Variants in SEPTIN7 observed in about 807,000 individuals in gnomAD.
SEPTIN7 encodes septin 7, also known as septin-7.
SEPTIN7 carries 10 observed loss-of-function variants against 63.3 expected under a neutral mutation model. The observed-to-expected ratio is 0.16, with a 90% CI of 0.10 to 0.27. SEPTIN7 has a LOEUF of 0.27. Among genes scored for constraint, SEPTIN7 ranks in the 10% least tolerant of loss-of-function variants. The pLI is 1.00. For synonymous variants in SEPTIN7, 131 were observed against 165.3 expected (o/e 0.79, Z 1.59); for missense variants, 310 against 521.0 (o/e 0.59, Z 3.94).
intron 1 of SEPTIN7, among the ~76,000 whole-genome samples, chr7:35,814,821 A>G (rs546376372): frequency 1.3e-5 from 2 of 152,158 alleles, no homozygotes; most frequent in East Asian, 3.9e-4. Context: ...TAAAAATACA[A>G]AGAATTAGCC....
At position 35,868,159 on chromosome 7, in the gene SEPTIN7, C is replaced by T. The variant is rs181491991; in HGVS notation, c.276+4501C>T. Reference sequence around the variant, plus strand: ...CGCTGGGATTACAGGTGTGAGCCACCGCACCCAGCTGGTCCCTGAAGTTTT... The same window carrying T: ...CGCTGGGATTACAGGTGTGAGCCACTGCACCCAGCTGGTCCCTGAAGTTTT... On this transcript the variant is annotated intron_variant, in intron 4 of 13. Coordinates refer to ENST00000350320, the MANE Select transcript of SEPTIN7 (RefSeq NM_001788.6). Among the ~76,000 whole-genome samples the T allele has an allele frequency of 5.5e-3, 840 of 152,188 alleles. 12 individuals are homozygous for T. Among genetic ancestry groups the T allele is most frequent in the Non-Finnish European group, 4.6e-3 (311 of 68,018 alleles).
intron 1 of SEPTIN7, among the ~76,000 whole-genome samples, chr7:35,804,717 G>C (rs1309699569): frequency 3.9e-5 from 6 of 152,072 alleles, no homozygotes; most frequent in Non-Finnish European, 8.8e-5. Context: ...CTAGATGGTA[G>C]AGCCTACTAT....
chr7:35,815,815 ATT>A (rs1473812293), intron 1 of SEPTIN7, among the ~76,000 whole-genome samples: 1 of 151,808 alleles, frequency 6.6e-6, no homozygotes, highest in East Asian at 1.9e-4. Context: ...ATCCTGGCTG[ATT>A]TTGTTTTTTT....
intron 11 of SEPTIN7, among the ~76,000 whole-genome samples, chr7:35,895,945 G>A (rs1787935533): frequency 6.6e-6 from 1 of 152,138 alleles, no homozygotes. Context: ...CAAGTAGCTG[G>A]AATTACAGGC....
chr7:35,833,695 A>G lies in SEPTIN7; in HGVS notation c.169+795A>G, dbSNP rs76005108. ...TCTGTTATTTAAGAAGGTGAATTGC[A>G]GGGTAGTGGATTAGCTATCCTTAAC... On this transcript the variant is annotated intron_variant, in intron 3 of 13. Transcript: ENST00000350320. Among the ~76,000 whole-genome samples, 406 of 152,164 alleles carry G rather than the reference A, an allele frequency of 2.7e-3. 2 individuals are homozygous for G. Among genetic ancestry groups the G allele is most frequent in the African/African-American group, 9.4e-3 (389 of 41,562 alleles).
chr7:35,821,023 G>A (rs562895975), intron 1 of SEPTIN7, among the ~76,000 whole-genome samples: 2 of 152,214 alleles, frequency 1.3e-5, no homozygotes, highest in Non-Finnish European at 2.9e-5. Context: ...AATAATGACA[G>A]CAGTTTGAGA....
At chr7:35,841,172 G>A (rs1784390528) in intron 3 of SEPTIN7, among the ~76,000 whole-genome samples, 2 of 152,146 alleles carry the variant, frequency 1.3e-5, no homozygotes, top group South Asian at 4.1e-4. Flanking sequence ...AGTGAGCCGA[G>A]ATCGTGCCAC....
At chr7:35,896,922 C>G (rs1381146106) in intron 11 of SEPTIN7, among the ~76,000 whole-genome samples, 1 of 152,210 alleles carries the variant, frequency 6.6e-6, no homozygotes, top group Non-Finnish European at 1.5e-5. Flanking sequence ...AAACTGGTAG[C>G]CAATATTCTG....
chr7:35,817,057 T>G (rs1358468414), intron 1 of SEPTIN7, among the ~76,000 whole-genome samples: 1 of 152,030 alleles, frequency 6.6e-6, no homozygotes, highest in Non-Finnish European at 1.5e-5. Context: ...GTACAAGCAT[T>G]TTTAATTTTG....
At chr7:35,892,516 T>C (rs1313872754) in intron 11 of SEPTIN7, among the ~76,000 whole-genome samples, 1 of 152,182 alleles carries the variant, frequency 6.6e-6, no homozygotes, top group Non-Finnish European at 1.5e-5. Flanking sequence ...GTTAAAGTAC[T>C]AGTACATATT....
At chr7:35,859,892 T>C (rs1785412714) in intron 3 of SEPTIN7, among the ~76,000 whole-genome samples, 1 of 152,200 alleles carries the variant, frequency 6.6e-6, no homozygotes. Context: ...AATGTGTCTT[T>C]TACAGATACG....
chr7:35,817,663 T>A lies in SEPTIN7; in HGVS notation c.62-13829T>A, dbSNP rs533305853. Among the ~76,000 whole-genome samples the A allele has an allele frequency of 1.4e-4, 21 of 152,184 alleles. No individual in the cohort carries two copies. In the South Asian group the frequency reaches 1.4e-3, roughly 11 times the overall value. On this transcript the variant is annotated intron_variant, in intron 1 of 13. Coordinates refer to ENST00000350320, the MANE Select transcript of SEPTIN7 (RefSeq NM_001788.6). ...GTCTTAACAGTATTAAGTCTTCCACTCCATTAATGCAAAGTATCTTCTGTT... is the reference window on the plus strand; with the variant it reads ...GTCTTAACAGTATTAAGTCTTCCACACCATTAATGCAAAGTATCTTCTGTT...
chr7:35,869,266 T>G (rs1786000612), intron 4 of SEPTIN7, among the ~76,000 whole-genome samples: 1 of 152,164 alleles, frequency 6.6e-6, no homozygotes, highest in African/African-American at 2.4e-5. Context: ...ACTTTCTTAG[T>G]AAAGTAGTTC....
At position 35,885,834 on chromosome 7, in the gene SEPTIN7, A is replaced by G; in HGVS notation, c.827A>G (p.Asn276Ser). The G allele has an allele frequency of 6.2e-7, 1 of 1,605,480 alleles. No homozygotes were observed. Residue 276 changes from asparagine to serine, a missense_variant, in exon 10 of 14, where the codon AAT becomes AGT. Around this residue, in one of 2 missense-constraint regions of SEPTIN7, gnomAD observed 255 missense variants for 490.5 expected, o/e 0.52. Coordinates refer to ENST00000350320, the MANE Select transcript of SEPTIN7 (RefSeq NM_001788.6). ...GTCTGCTTTTTTCTTACAGTTGAAA[A>G]TGGTGAACATTGTGATTTTACAATC... ...QYPWGVAEVE[N>S]GEHCDFTILR...
intron 3 of SEPTIN7, chr7:35,847,560 A>G (rs1249899633): frequency 6.6e-6 from 1 of 152,208 alleles, no homozygotes; most frequent in Non-Finnish European, 1.5e-5. Context: ...TTAAAAAAGT[A>G]CTGTTCTTTA....
chr7:35,881,274 T>A (rs1328438599), intron 7 of SEPTIN7, among the ~76,000 whole-genome samples: 5 of 151,926 alleles, frequency 3.3e-5, no homozygotes, highest in Admixed American at 6.6e-5. Context: ...AACACTATCA[T>A]ATAATACATT....
chr7:35,886,849 A>G (rs1037003398), intron 10 of SEPTIN7, among the ~76,000 whole-genome samples: 2 of 152,244 alleles, frequency 1.3e-5, no homozygotes, highest in African/African-American at 4.8e-5. Context: ...AAAATTTAAG[A>G]CAGTCAAACT....
chr7:35,838,023 C>G (rs10245875), intron 3 of SEPTIN7, among the ~76,000 whole-genome samples: 243 of 152,272 alleles, frequency 1.6e-3, no homozygotes, highest in African/African-American at 5.7e-3. Context: ...GCCACCACAC[C>G]TGGCCGTCGC....
intron 6 of SEPTIN7, among the ~76,000 whole-genome samples, chr7:35,876,981 T>C (rs564918206): frequency 6.6e-6 from 1 of 151,276 alleles, no homozygotes; most frequent in Non-Finnish European, 1.5e-5. Context: ...AAAAAAAAAT[T>C]AGCTGGGCCT....
Sources: gnomAD v4.1 joint callset for allele counts (sites outside exome capture counted in the v4.1 genomes callset) on GRCh38, gnomAD v4.1.1 for gene constraint, gnomAD v4.1.1 regional missense constraint, MANE v1.5 for transcripts, NCBI Gene and HGNC (gene_info 2026-07-23, HGNC 2026-07-21) for gene names.